The following ABCC4 variants were observed in gnomAD, a reference collection of about 807,000 sequenced individuals.
ABCC4 encodes the protein ATP-binding cassette sub-family C member 4.
ABCC4 carries 102 observed loss-of-function variants against 168.5 expected under a neutral mutation model. The observed-to-expected ratio is 0.61, with a 90% CI of 0.52 to 0.71. ABCC4 has a LOEUF of 0.71. ABCC4 is among the 30% of genes least tolerant of loss of function. The pLI, the probability that ABCC4 is intolerant of heterozygous loss-of-function variation, is 0.00. For synonymous variants in ABCC4, 617 were observed against 590.7 expected, an observed-to-expected ratio of 1.04 and a Z score of -0.65; for missense variants, 1,402 against 1,605.8, an observed-to-expected ratio of 0.87 and a Z score of 2.17.
intron 21 of ABCC4, among the ~76,000 whole-genome samples, chr13:95,081,167 G>A (rs951756475): frequency 1.6e-4 from 23 of 147,406 alleles, no homozygotes; most frequent in African/African-American, 5.4e-4. Context: ...AAGGTTGTCA[G>A]AATCTCCACA....
At chr13:95,152,721 T>C (rs1012862047) in intron 19 of ABCC4, among the ~76,000 whole-genome samples, 2 of 152,048 alleles carry the variant, frequency 1.3e-5, no homozygotes, top group African/African-American at 4.8e-5. Flanking sequence ...TAAATAATCA[T>C]GTTTATAATA....
intron 19 of ABCC4, among the ~76,000 whole-genome samples, chr13:95,128,338 A>T (rs1225918069): frequency 6.6e-6 from 1 of 152,210 alleles, no homozygotes; most frequent in East Asian, 1.9e-4. Flanking sequence ...GTGCCACACA[A>T]TGGCTAGGCT....
In ABCC4 at chr13:95,020,172, T is replaced by C. The variant is rs913153250; in HGVS notation, c.*1403A>G. On this transcript the variant is annotated 3_prime_UTR_variant, in exon 31 of 31. Coordinates refer to ENST00000645237, the MANE Select transcript of ABCC4 (RefSeq NM_005845.5). Reference sequence around the variant, plus strand: ...TTGGCAGTTAGCTGTGTGTGGTGTGTGCTTTTTAAGGCTTCACTCAATAAA... The same window carrying C: ...TTGGCAGTTAGCTGTGTGTGGTGTGCGCTTTTTAAGGCTTCACTCAATAAA... 1 of 152,234 alleles carries C rather than the reference T, an allele frequency of 6.6e-6. No individual in the cohort carries two copies. Among genetic ancestry groups the C allele is most frequent in the Non-Finnish European group, 1.5e-5 (1 of 68,040 alleles). The allele number at this position is 152,234 out of a possible 1,614,324, so 9.4% of individuals were successfully genotyped here.
At chr13:95,130,481 T>C (rs2035922240) in intron 19 of ABCC4, among the ~76,000 whole-genome samples, 1 of 152,214 alleles carries the variant, frequency 6.6e-6, no homozygotes, top group South Asian at 2.1e-4. Flanking sequence ...TGATATAAAA[T>C]GATTTTGAGG....
Position 95,074,286 on chromosome 13 carries a change from C to T in ABCC4, c.2845G>A (p.Ala949Thr). 10 of 1,613,696 alleles carry T rather than the reference C, an allele frequency of 6.2e-6. No individual in the cohort carries two copies. Among genetic ancestry groups the T allele is most frequent in the Non-Finnish European group, 8.5e-6 (10 of 1,179,862 alleles). The change falls in exon 23 of 31, where the codon GCC becomes ACC. Residue 949 changes from alanine to threonine, a missense_variant. Physicochemically the swap from Ala to Thr is moderately conservative, Grantham distance 58 (BLOSUM62 0). Coordinates refer to ENST00000645237, the MANE Select transcript of ABCC4 (RefSeq NM_005845.5). ...FLFLTTSRWFAVRLDAICAMF... is the reference protein window; with the variant it reads ...FLFLTTSRWFTVRLDAICAMF... The stretch of plus-strand genomic sequence containing the variant: ...GCACAGATGGCATCCAGACGGACGG[C>T]AAACCAGCGGGACGTTGTCAAAAAC...
chr13:95,242,008 C>T (rs1233114173), intron 3 of ABCC4, among the ~76,000 whole-genome samples: 7 of 152,046 alleles, frequency 4.6e-5, no homozygotes, highest in Non-Finnish European at 1.5e-5. Flanking sequence ...ACCTCATCGC[C>T]AAGGTCTGAT....
chr13:95,045,084 T>A (rs61674859), intron 27 of ABCC4, among the ~76,000 whole-genome samples: 2,171 of 152,254 alleles, frequency 0.014, 45 homozygotes, highest in African/African-American at 0.049. Context: ...TGAACTCCCT[T>A]ACCAATAACC....
At position 95,280,625 on chromosome 13, in the gene ABCC4, C is replaced by A. The variant is rs551166972; in HGVS notation, c.74+20616G>T. Reference sequence around the variant, plus strand: ...CAATTCCCAGAAGTCAAAGGCAATTCCTTCCCTTTTCTGTGTCTGTGAGAC... The same window carrying A: ...CAATTCCCAGAAGTCAAAGGCAATTACTTCCCTTTTCTGTGTCTGTGAGAC... On this transcript the variant is annotated intron_variant, in intron 1 of 30. Coordinates refer to ENST00000645237, the MANE Select transcript of ABCC4 (RefSeq NM_005845.5). Among the ~76,000 whole-genome samples, 16 of 149,406 alleles carry A rather than the reference C, an allele frequency of 1.1e-4. 1 individual carries two copies. Among genetic ancestry groups the A allele is most frequent in the African/African-American group, 3.4e-4 (14 of 40,626 alleles).
intron 18 of ABCC4, chr13:95,161,633 T>C (rs1273469500): frequency 5.4e-6 from 1 of 184,574 alleles, no homozygotes. Context: ...GTAGGATAGA[T>C]AATCATGAAG....
Position 95,073,319 on chromosome 13 carries a change from AGAAG to A in ABCC4, c.2918-19_2918-16del, listed in dbSNP as rs1364664654. The A allele has an allele frequency of 1.2e-6, 2 of 1,604,012 alleles. No homozygotes were observed. The highest frequency in any genetic ancestry group is 1.7e-6 in the Non-Finnish European group (2 of 1,172,368). On this transcript the variant is annotated splice_polypyrimidine_tract_variant and intron_variant, in intron 23 of 30. Transcript: ENST00000645237. ...GGCATCCAGAGCTACGTAAGGAGGA[AGAAG>A]GGAATAAAGTCAGTCTCACTTCAAA...
chr13:95,257,406 G>A (rs1230970465), intron 1 of ABCC4, among the ~76,000 whole-genome samples: 5 of 152,130 alleles, frequency 3.3e-5, no homozygotes, highest in Non-Finnish European at 7.4e-5. Context: ...CGCAGCACAC[G>A]CCTGTAATCC....
intron 1 of ABCC4, among the ~76,000 whole-genome samples, chr13:95,263,104 G>A (rs748105643): frequency 2.6e-5 from 4 of 152,136 alleles, no homozygotes. Context: ...AGCGCAAGGC[G>A]GGTGTAATGT....
At chr13:95,288,068 T>TA (rs34404603) in intron 1 of ABCC4, among the ~76,000 whole-genome samples, 66,632 of 151,858 alleles carry the variant, frequency 0.44, 17,013 homozygotes, top group Non-Finnish European at 0.58. Flanking sequence ...AATAAATAAA[T>TA]ATTTTATAAT....
At chr13:95,052,327 A>G (rs932546726) in intron 27 of ABCC4, among the ~76,000 whole-genome samples, 1 of 152,316 alleles carries the variant, frequency 6.6e-6, no homozygotes, top group Non-Finnish European at 1.5e-5. Context: ...AGGTCCTGTG[A>G]GGGATTACCA....
At chr13:95,035,019 G>A (rs1359275277) in intron 29 of ABCC4, among the ~76,000 whole-genome samples, 6 of 152,126 alleles carry the variant, frequency 3.9e-5, no homozygotes, top group Non-Finnish European at 8.8e-5. Flanking sequence ...TTCTGCCAAA[G>A]GCATTTTGGG....
At chr13:95,050,010 A>G (rs1357749048) in intron 27 of ABCC4, among the ~76,000 whole-genome samples, 2 of 152,180 alleles carry the variant, frequency 1.3e-5, no homozygotes, top group African/African-American at 4.8e-5. Flanking sequence ...GTTTCCTACT[A>G]AAGAGCAAGA....
In ABCC4 at chr13:95,171,344, G is replaced by A. The variant is rs144063202; in HGVS notation, c.1728-716C>T. Reference sequence around the variant, plus strand: ...TTTCTGACGTTTGTTTGTTTTCTACGGTACCCACTCAAAGTTCTCCTACAT... The same window carrying A: ...TTTCTGACGTTTGTTTGTTTTCTACAGTACCCACTCAAAGTTCTCCTACAT... On this transcript the variant is annotated intron_variant, in intron 13 of 30. Coordinates refer to ENST00000645237, the MANE Select transcript of ABCC4 (RefSeq NM_005845.5). Among the ~76,000 whole-genome samples, 110 of 151,804 alleles carry A rather than the reference G, an allele frequency of 7.2e-4. 1 individual carries two copies. The highest frequency in any genetic ancestry group is 3.4e-3 in the Middle Eastern group (1 of 294).
At chr13:95,064,285 T>TATACACACA (rs1404135612) in intron 25 of ABCC4, among the ~76,000 whole-genome samples, 2 of 121,598 alleles carry the variant, frequency 1.6e-5, no homozygotes, top group African/African-American at 6.8e-5. Context: ...TATATATATA[T>TATACACACA]ATATATATAT....
chr13:95,206,200 T>C (rs1278590775), intron 8 of ABCC4, among the ~76,000 whole-genome samples: 1 of 152,206 alleles, frequency 6.6e-6, no homozygotes, highest in Non-Finnish European at 1.5e-5. Context: ...TACTTTCTCA[T>C]TGGTGTTAAC....
Sources: allele counts gnomAD v4.1 joint callset (sites outside exome capture counted in the v4.1 genomes callset), GRCh38; gene constraint gnomAD v4.1.1; transcripts MANE v1.5; gene names NCBI Gene and HGNC (gene_info 2026-07-23, HGNC 2026-07-21).